Variants in HECTD4 observed in about 807,000 individuals in gnomAD.
HECTD4 encodes probable E3 ubiquitin-protein ligase HECTD4.
A neutral mutation model predicts 471.5 loss-of-function variants in HECTD4; 114 were observed. The ratio of observed to expected loss-of-function variants is 0.24; its 90% CI spans 0.21 to 0.28. The LOEUF (loss-of-function observed/expected upper bound fraction) is 0.28, where lower values mean the gene tolerates loss of function less well. Among genes scored for constraint, HECTD4 ranks in the 10% least tolerant of loss-of-function variants. The pLI, the probability that HECTD4 is intolerant of heterozygous loss-of-function variation, is 1.00. For synonymous variants in HECTD4, 2,012 were observed against 2,256.0 expected (o/e 0.89, Z 3.07); for missense variants, 3,866 against 5,651.5 (o/e 0.68, Z 10.13).
chr12:112,179,863 C>A lies in HECTD4; in HGVS notation c.10988-466G>T, dbSNP rs1346088895. Among the ~76,000 whole-genome samples the A allele has an allele frequency of 6.6e-6, 1 of 152,182 alleles. No homozygotes were observed. ...CAGCAAGTATTTTTAGTGGGAAGTA[C>A]AACTTGTTAAACAGGTGATCTCATT... is the stretch of plus-strand genomic sequence containing the variant. On this transcript the variant is annotated intron_variant, in intron 62 of 75. Coordinates refer to ENST00000682272, the MANE Select transcript of HECTD4 (RefSeq NM_001388303.1). This position sits in a 1 kb window ranked among gnomAD's most constrained non-coding sequence, Gnocchi z 4.3.
chr12:112,225,572 A>G (rs186783586), intron 44 of HECTD4, among the ~76,000 whole-genome samples: 20 of 151,634 alleles, frequency 1.3e-4, no homozygotes, highest in Non-Finnish European at 1.6e-4. Flanking sequence ...ACAGGGATAC[A>G]GTCATCAAAA....
chr12:112,221,259 A>G (rs1032136110), intron 44 of HECTD4, among the ~76,000 whole-genome samples: 1 of 151,856 alleles, frequency 6.6e-6, no homozygotes, highest in Admixed American at 6.6e-5. Context: ...ATTTTATTTT[A>G]TTTTATTGAG....
rs1162975836 is a variant in HECTD4, at chr12:112,193,322, T to C, written c.8956-131A>G. The C allele has an allele frequency of 7.4e-7, 1 of 1,354,956 alleles. No homozygotes were observed. The highest frequency in any genetic ancestry group is 2.5e-5 in the East Asian group (1 of 39,990). The allele number at this position is 1,354,956 out of a possible 1,614,324, so 83.9% of individuals were successfully genotyped here. A position where few individuals can be genotyped will look rare whatever the true frequency, so the allele number is the denominator to read the frequency against. On this transcript the variant is annotated intron_variant, in intron 57 of 75. Coordinates refer to ENST00000682272, the MANE Select transcript of HECTD4 (RefSeq NM_001388303.1). This position sits in a 1 kb window ranked among gnomAD's most constrained non-coding sequence, Gnocchi z 5.2. Reference sequence around the variant, plus strand: ...CCTCTGGAAGGAAGCAAGCTACAGATGAGATAAAGCAGAAAAGCTTCTAGG... The same window carrying C: ...CCTCTGGAAGGAAGCAAGCTACAGACGAGATAAAGCAGAAAAGCTTCTAGG...
rs58503491 is a variant in HECTD4 at position 112,332,540 on chromosome 12, C to CAAA, written c.178-12801_178-12799dup. On this transcript the variant is annotated intron_variant, in intron 1 of 75. Coordinates refer to ENST00000682272, the MANE Select transcript of HECTD4 (RefSeq NM_001388303.1). ...TGGGTGACAGATTAAGACTCTGTCT[C>CAAA]AAAAAAAAAAAAAAAAAAAAAGATT... 0.05 allele frequency among the ~76,000 whole-genome samples: 3,150 copies of CAAA among 62,876 alleles called. 559 individuals are homozygous for CAAA. In the East Asian group the frequency reaches 0.58, roughly 12 times the overall value. The allele number at this position is 62,876 out of a possible 152,430, so 41.2% of individuals were successfully genotyped here. A position where few individuals can be genotyped will look rare whatever the true frequency, so the allele number is the denominator to read the frequency against.
intron 48 of HECTD4, among the ~76,000 whole-genome samples, chr12:112,215,196 G>GTGC (rs2032881712): frequency 6.6e-6 from 1 of 152,006 alleles, no homozygotes; most frequent in South Asian, 2.1e-4. Flanking sequence ...AAACCGCACT[G>GTGC]TGCTCCCAGG....
chr12:112,340,684 G>A (rs910303583), intron 1 of HECTD4, among the ~76,000 whole-genome samples: 1 of 152,140 alleles, frequency 6.6e-6, no homozygotes, highest in Non-Finnish European at 1.5e-5. Context: ...GATAGAGTGT[G>A]TGCAGTAAGG....
rs577269858 is a variant in HECTD4, at chr12:112,273,802, A to C, written c.1802-7T>G. ...ACTGTGTCATAACACGCTCCTGCAA[A>C]AAGAGCATACTGTATTCAGTCACCA... is the stretch of plus-strand genomic sequence containing the variant. On this transcript the variant is annotated splice_region_variant and splice_polypyrimidine_tract_variant and intron_variant, in intron 10 of 75. Coordinates refer to ENST00000682272, the MANE Select transcript of HECTD4 (RefSeq NM_001388303.1). The C allele has an allele frequency of 6.8e-6, 11 of 1,613,458 alleles. No homozygotes were observed. The highest frequency in any genetic ancestry group is 9.3e-6 in the Non-Finnish European group (11 of 1,179,758).
chr12:112,331,090 G>A (rs1426011698), intron 1 of HECTD4, among the ~76,000 whole-genome samples: 1 of 151,920 alleles, frequency 6.6e-6, no homozygotes, highest in East Asian at 1.9e-4. Context: ...TGTTTTTTTT[G>A]AGATGGAGTC....
chr12:112,265,056 C>T (rs1353176095), intron 16 of HECTD4, 119 bp downstream of exon 16: 12 of 940,920 alleles, frequency 1.3e-5, no homozygotes, highest in South Asian at 5.0e-5. Flanking sequence ...TGAGCCACTG[C>T]GCCCGGCCTT....
At chr12:112,216,743 C>T in intron 47 of HECTD4, 30 bp downstream of exon 47, 2 of 1,608,604 alleles carry the variant, frequency 1.2e-6, no homozygotes, top group Non-Finnish European at 1.7e-6. Flanking sequence ...CTACTGCTCT[C>T]TGTCACACTG....
intron 44 of HECTD4, among the ~76,000 whole-genome samples, chr12:112,222,336 C>T (rs561048318): frequency 6.6e-6 from 1 of 152,248 alleles, no homozygotes; most frequent in East Asian, 1.9e-4. Context: ...AAATTACAGG[C>T]GTGAGCCACA....
At chr12:112,362,680 G>A (rs1476156926) in intron 1 of HECTD4, among the ~76,000 whole-genome samples, 2 of 151,940 alleles carry the variant, frequency 1.3e-5, no homozygotes, top group Non-Finnish European at 2.9e-5. Context: ...ACATTTCCCT[G>A]TATTCTCTCT....
chr12:112,251,273 T>A, intron 23 of HECTD4, 139 bp from the exon 24 acceptor site: 1 of 700,516 alleles, frequency 1.4e-6, no homozygotes, highest in Non-Finnish European at 2.3e-6. Flanking sequence ...GGGACACAGG[T>A]ACAGCACCCA....
intron 1 of HECTD4, among the ~76,000 whole-genome samples, chr12:112,360,390 T>C (rs1158413655): frequency 3.9e-5 from 6 of 152,142 alleles, no homozygotes; most frequent in Admixed American, 3.9e-4. Flanking sequence ...CATTCACAAA[T>C]TTTTCCATCA....
At chr12:112,216,457 A>AGG in intron 47 of HECTD4, 86 bp from the exon 48 acceptor site, 1 of 906,236 alleles carries the variant, frequency 1.1e-6, no homozygotes, top group Non-Finnish European at 1.8e-6. Context: ...GGTGAAGTGG[A>AGG]GGGGGGGTGG....
chr12:112,325,309 G>T (rs1259432019), intron 1 of HECTD4, among the ~76,000 whole-genome samples: 6 of 152,116 alleles, frequency 3.9e-5, no homozygotes, highest in African/African-American at 1.2e-4. Flanking sequence ...ACACTTAAAT[G>T]ACTGTTGTGT....
Position 112,247,455 on chromosome 12 carries a change from G to T in HECTD4, c.4337+7C>A. 1.4e-6 allele frequency: 2 copies of T among 1,445,306 alleles called. No homozygotes were observed. Among genetic ancestry groups the T allele is most frequent in the East Asian group, 2.5e-5 (1 of 40,774 alleles). The allele number at this position is 1,445,306 out of a possible 1,614,324, so 89.5% of individuals were successfully genotyped here. On this transcript the variant is annotated splice_region_variant and intron_variant, in intron 28 of 75. Transcript: ENST00000682272. ...TAATAGCCTTAATAGTTATTAATAC[G>T]ACTAACCTCAGTGATAGGACCATGT...
intron 55 of HECTD4, among the ~76,000 whole-genome samples, chr12:112,196,850 C>T (rs2032260566): frequency 6.6e-6 from 1 of 152,074 alleles, no homozygotes; most frequent in Non-Finnish European, 1.5e-5. Context: ...GGCTGGAGTG[C>T]AGTGGTGTGA....
Position 112,163,015 on chromosome 12 carries a change from T to A in HECTD4, c.13120+27A>T, listed in dbSNP as rs766239246. On this transcript the variant is annotated intron_variant, in intron 75 of 75. Coordinates refer to ENST00000682272, the MANE Select transcript of HECTD4 (RefSeq NM_001388303.1). The surrounding 1 kb of genome is among the most constrained non-coding windows in gnomAD (Gnocchi z 8.2). ...AGAGAAAGGCTAGTGTGTCCCTACT[T>A]GGGACATGGCCAGGGGAGGGCGGTA... 1 of 1,523,790 alleles carries A rather than the reference T, an allele frequency of 6.6e-7. No individual in the cohort carries two copies. The highest frequency in any genetic ancestry group is 9.0e-7 in the Non-Finnish European group (1 of 1,108,020). 94.4% of individuals were successfully genotyped at this position (1,523,790 alleles called of 1,614,324 possible).
Sources: allele counts gnomAD v4.1 joint callset (sites outside exome capture counted in the v4.1 genomes callset), GRCh38; gene constraint gnomAD v4.1.1; non-coding constraint Gnocchi (gnomAD v3.1); transcripts MANE v1.5; gene names NCBI Gene and HGNC (gene_info 2026-07-23, HGNC 2026-07-21).